Variants in TNNI3K observed in about 807,000 individuals in gnomAD.
The protein encoded by TNNI3K is TNNI3 interacting kinase, also known as serine/threonine-protein kinase TNNI3K.
TNNI3K carries 140 observed loss-of-function variants against 114.5 expected under a neutral mutation model. That is an observed-to-expected ratio of 1.22 (90% CI 1.07 to 1.41). TNNI3K has a LOEUF of 1.41. Ranked by LOEUF, TNNI3K falls within the 40% of genes most tolerant of loss-of-function variation. The pLI is 0.00. For missense variants in TNNI3K, 1,125 were observed against 1,007.6 expected, an observed-to-expected ratio of 1.12 and a Z score of -1.58; for synonymous variants, 347 against 347.5, an observed-to-expected ratio of 1.00 and a Z score of 0.02.
chr1:74,529,065 A>C (rs1646546187), intron 23 of TNNI3K, among the ~76,000 whole-genome samples: 1 of 152,234 alleles, frequency 6.6e-6, no homozygotes, highest in Non-Finnish European at 1.5e-5. Flanking sequence ...ATAATATTGT[A>C]ACTATAAGTT....
chr1:74,524,862 G>T (rs573967680), intron 23 of TNNI3K, among the ~76,000 whole-genome samples: 49 of 152,302 alleles, frequency 3.2e-4, no homozygotes, highest in Admixed American at 6.5e-4. Flanking sequence ...GCATGCCACT[G>T]CAGGGGTTTG....
chr1:74,359,171 G>T (rs1369816117), intron 11 of TNNI3K, among the ~76,000 whole-genome samples: 1 of 151,954 alleles, frequency 6.6e-6, no homozygotes, highest in African/African-American at 2.4e-5. Context: ...ATGACCTTGT[G>T]CAAGGCCTTT....
chr1:74,368,523 T>C (rs1472930735), intron 13 of TNNI3K, among the ~76,000 whole-genome samples: 1 of 151,940 alleles, frequency 6.6e-6, no homozygotes, highest in African/African-American at 2.4e-5. Context: ...GTCATTTAAT[T>C]GGCATCCCTT....
intron 23 of TNNI3K, among the ~76,000 whole-genome samples, chr1:74,537,916 C>A (rs529190301): frequency 6.6e-6 from 1 of 152,246 alleles, no homozygotes; most frequent in African/African-American, 2.4e-5. Context: ...TCTTTTAATT[C>A]TCATGATTAA....
chr1:74,425,447 A>G (rs1665592141), intron 17 of TNNI3K, among the ~76,000 whole-genome samples: 1 of 152,194 alleles, frequency 6.6e-6, no homozygotes, highest in African/African-American at 2.4e-5. Flanking sequence ...TATACAAAAT[A>G]TGAAATAACA....
intron 11 of TNNI3K, among the ~76,000 whole-genome samples, chr1:74,358,496 T>TA: frequency 6.6e-6 from 1 of 152,124 alleles, no homozygotes; most frequent in East Asian, 1.9e-4. Flanking sequence ...TTTTAGACAG[T>TA]AAAAAAATAA....
At chr1:74,372,588 A>G (rs1282781970) in intron 17 of TNNI3K, 1 of 151,944 alleles carries the variant, frequency 6.6e-6, no homozygotes, top group Non-Finnish European at 1.5e-5. Context: ...TATTTCAGAC[A>G]CAGATTTAGA....
chr1:74,253,703 C>T (rs891083195), intron 4 of TNNI3K, among the ~76,000 whole-genome samples: 40 of 152,194 alleles, frequency 2.6e-4, no homozygotes, highest in Middle Eastern at 3.4e-3. Context: ...CCCCGCCGTG[C>T]GGCCCCAGTT....
At chr1:74,282,419 T>G (rs1657071531) in intron 5 of TNNI3K, among the ~76,000 whole-genome samples, 1 of 152,054 alleles carries the variant, frequency 6.6e-6, no homozygotes, top group African/African-American at 2.4e-5. Flanking sequence ...GCATTCGCTG[T>G]ATGTTAACAT....
chr1:74,270,502 C>CG (rs1557463953), intron 4 of TNNI3K, among the ~76,000 whole-genome samples: 1 of 151,656 alleles, frequency 6.6e-6, no homozygotes, highest in East Asian at 1.9e-4. Flanking sequence ...GGTAGAAAAA[C>CG]GGGAAGATTT....
chr1:74,390,238 T>A (rs1663693578), intron 17 of TNNI3K, among the ~76,000 whole-genome samples: 5 of 152,102 alleles, frequency 3.3e-5, no homozygotes, highest in Admixed American at 3.3e-4. Context: ...GACTCTCTGA[T>A]GAAAGAAGTC....
At chr1:74,437,794 G>T (rs946173512) in intron 19 of TNNI3K, among the ~76,000 whole-genome samples, 1 of 151,812 alleles carries the variant, frequency 6.6e-6, no homozygotes, top group African/African-American at 2.4e-5. Flanking sequence ...AATAAGTTTA[G>T]AAACTTTTTT....
At chr1:74,307,348 C>T (rs148921041) in intron 5 of TNNI3K, among the ~76,000 whole-genome samples, 13 of 152,142 alleles carry the variant, frequency 8.5e-5, no homozygotes, top group African/African-American at 2.2e-4. Context: ...GGATAAAAAT[C>T]GAGACCCAAC....
At chr1:74,499,000 A>T (rs1033968450) in intron 23 of TNNI3K, among the ~76,000 whole-genome samples, 7 of 152,346 alleles carry the variant, frequency 4.6e-5, no homozygotes, top group African/African-American at 1.7e-4. Flanking sequence ...CCAATTATTG[A>T]CTCATTCATT....
intron 5 of TNNI3K, among the ~76,000 whole-genome samples, chr1:74,292,882 T>G (rs1415521705): frequency 6.6e-6 from 1 of 151,660 alleles, no homozygotes; most frequent in Non-Finnish European, 1.5e-5. Flanking sequence ...TGATATAAAA[T>G]TTAACATGGT....
At chr1:74,455,686 C>T (rs1667198492) in intron 20 of TNNI3K, among the ~76,000 whole-genome samples, 1 of 152,034 alleles carries the variant, frequency 6.6e-6, no homozygotes, top group African/African-American at 2.4e-5. Flanking sequence ...CTCTGAAGGC[C>T]CAAGGATCTG....
At chr1:74,242,141 G>A (rs1005847780) in intron 2 of TNNI3K, among the ~76,000 whole-genome samples, 2 of 151,960 alleles carry the variant, frequency 1.3e-5, no homozygotes, top group East Asian at 1.9e-4. Context: ...GAGCCACCGC[G>A]CCTGACCCAG....
At chr1:74,313,412 T>C (rs1250326556) in intron 5 of TNNI3K, among the ~76,000 whole-genome samples, 1 of 152,226 alleles carries the variant, frequency 6.6e-6, no homozygotes, top group Non-Finnish European at 1.5e-5. Flanking sequence ...TGACACAGTC[T>C]GAAGCCACCC....
At chr1:74,280,626 A>G (rs1170839496) in intron 5 of TNNI3K, among the ~76,000 whole-genome samples, 1 of 152,168 alleles carries the variant, frequency 6.6e-6, no homozygotes, top group Non-Finnish European at 1.5e-5. Context: ...CCATGGAGGG[A>G]GCATTTAGAC....
Sources: gnomAD v4.1 joint callset for allele counts (sites outside exome capture counted in the v4.1 genomes callset) on GRCh38, gnomAD v4.1.1 for gene constraint, MANE v1.5 for transcripts, NCBI Gene and HGNC (gene_info 2026-07-23, HGNC 2026-07-21) for gene names.